Variants in TMEM266 observed in about 807,000 individuals in gnomAD.
TMEM266 encodes transmembrane protein 266.
In TMEM266, 33 loss-of-function variants were observed where a neutral mutation model predicts 50.5. That is an observed-to-expected ratio of 0.65 (90% CI 0.50 to 0.87). The LOEUF (loss-of-function observed/expected upper bound fraction) is 0.87. Among genes scored for constraint, TMEM266 ranks in the 40% least tolerant of loss-of-function variants. The pLI is 0.00. For missense variants in TMEM266, 655 were observed against 695.1 expected, an observed-to-expected ratio of 0.94 and a Z score of 0.65; for synonymous variants, 310 against 292.3, an observed-to-expected ratio of 1.06 and a Z score of -0.62.
At chr15:76,134,458 A>G (rs1350626381) in intron 2 of TMEM266, among the ~76,000 whole-genome samples, 157 bp downstream of exon 2, 1 of 152,226 alleles carries the variant, frequency 6.6e-6, no homozygotes, top group Non-Finnish European at 1.5e-5. Flanking sequence ...ACTCAAGACA[A>G]GATTAGGAAG....
chr15:76,171,232 T>C, intron 7 of TMEM266, 101 bp downstream of exon 7: 2 of 1,479,714 alleles, frequency 1.4e-6, no homozygotes, highest in Non-Finnish European at 1.8e-6. Flanking sequence ...CCTGCTGGCG[T>C]CAGGACGGAA....
chr15:76,192,653 C>T (rs897312872), intron 9 of TMEM266, among the ~76,000 whole-genome samples: 1 of 152,168 alleles, frequency 6.6e-6, no homozygotes, highest in East Asian at 1.9e-4. Context: ...GCCTTGCAGA[C>T]GGTGAGAATT....
chr15:76,165,192 C>T (rs560101034), intron 5 of TMEM266, among the ~76,000 whole-genome samples: 1 of 152,318 alleles, frequency 6.6e-6, no homozygotes, highest in South Asian at 2.1e-4. Context: ...AAGCCTGGAC[C>T]CCTTCCTTCA....
intron 1 of TMEM266, among the ~76,000 whole-genome samples, chr15:76,127,282 G>C (rs1386070687): frequency 6.6e-6 from 1 of 150,666 alleles, no homozygotes. Context: ...AAAAGAGCTT[G>C]GGTGCCACTT....
chr15:76,182,559 G>C (rs567290200), intron 8 of TMEM266, among the ~76,000 whole-genome samples: 19 of 152,110 alleles, frequency 1.2e-4, no homozygotes, highest in Admixed American at 5.2e-4. Context: ...CAGGAGAATG[G>C]CATGAACCTG....
chr15:76,157,337 A>C (rs1267566536), intron 4 of TMEM266, among the ~76,000 whole-genome samples: 3 of 152,222 alleles, frequency 2.0e-5, no homozygotes, highest in Admixed American at 1.3e-4. Flanking sequence ...TAGACGAGGC[A>C]AATTAAGATT....
In TMEM266 at chr15:76,189,214, CAGAGAA is replaced by C. The variant is rs1271561178; in HGVS notation, c.769-2745_769-2740del. Reference sequence around the variant, plus strand: ...CTCAGAAAAGAAAGAAAGAAAAAGACAGAGAAAGAGAAAGGAGAGAGGGAGGAAGGG... The same window carrying C: ...CTCAGAAAAGAAAGAAAGAAAAAGACAGAGAAAGGAGAGAGGGAGGAAGGG... On this transcript the variant is annotated intron_variant, in intron 8 of 10. Coordinates refer to ENST00000388942, the MANE Select transcript of TMEM266 (RefSeq NM_152335.3). Among the ~76,000 whole-genome samples, 7 of 149,204 alleles carry C rather than the reference CAGAGAA, an allele frequency of 4.7e-5. No individual in the cohort carries two copies. In the East Asian group the frequency reaches 1.4e-3, roughly 29 times the overall value.
chr15:76,197,956 T>G (rs2038679907), intron 9 of TMEM266, among the ~76,000 whole-genome samples: 2 of 152,154 alleles, frequency 1.3e-5, no homozygotes, highest in South Asian at 4.1e-4. Flanking sequence ...TGACGGGCTT[T>G]TAGGAGGATT....
intron 2 of TMEM266, among the ~76,000 whole-genome samples, chr15:76,137,202 A>T (rs1026925305): frequency 1.3e-5 from 2 of 152,202 alleles, no homozygotes; most frequent in South Asian, 2.1e-4. Context: ...ACAAGTCTCC[A>T]TGCAGGCTCC....
intron 5 of TMEM266, among the ~76,000 whole-genome samples, chr15:76,169,528 A>AG (rs1329347771): frequency 6.6e-6 from 1 of 152,170 alleles, no homozygotes; most frequent in Non-Finnish European, 1.5e-5. Flanking sequence ...CTGTATGTAC[A>AG]GGGAGCACTG....
At chr15:76,137,948 G>A (rs923145918) in intron 3 of TMEM266, 53 bp downstream of exon 3, 56 of 1,502,074 alleles carry the variant, frequency 3.7e-5, no homozygotes, top group Admixed American at 6.8e-5. Flanking sequence ...TAGGCTAGGC[G>A]CGGTGGCTCA....
rs2142033669 is a variant in TMEM266, at chr15:76,139,914, C to G, written c.227+2019C>G. The stretch of plus-strand genomic sequence containing the variant: ...GTGTTCCCCCACCAGGTGTACCACC[C>G]TGTGATGTACCCCTTTCAGGGGTCC... On this transcript the variant is annotated intron_variant, in intron 3 of 10. Coordinates refer to ENST00000388942, the MANE Select transcript of TMEM266 (RefSeq NM_152335.3). This position sits in a 1 kb window ranked among gnomAD's most constrained non-coding sequence, Gnocchi z 4.1. 6.6e-6 allele frequency among the ~76,000 whole-genome samples: 1 copy of G among 152,348 alleles called. No individual in the cohort carries two copies. The highest frequency in any genetic ancestry group is 2.1e-4 in the South Asian group (1 of 4,830).
chr15:76,184,712 G>A (rs895298310), intron 8 of TMEM266, among the ~76,000 whole-genome samples: 3 of 152,234 alleles, frequency 2.0e-5, no homozygotes, highest in African/African-American at 7.2e-5. Context: ...AGCGCTGGGT[G>A]TGCCCGTCCT....
At position 76,139,718 on chromosome 15, in the gene TMEM266, G is replaced by A. The variant is rs964199283; in HGVS notation, c.227+1823G>A. ...CCTTCTAACATGCCCTAGCTATTTC[G>A]GAGAATTCATTTCCTGCCCCCGGCC... is the stretch of plus-strand genomic sequence containing the variant. On this transcript the variant is annotated intron_variant, in intron 3 of 10. Transcript: ENST00000388942. The surrounding 1 kb of genome is among the most constrained non-coding windows in gnomAD (Gnocchi z 4.1). Among the ~76,000 whole-genome samples the A allele has an allele frequency of 5.3e-5, 8 of 152,226 alleles. No homozygotes were observed. The highest frequency in any genetic ancestry group is 1.7e-4 in the African/African-American group (7 of 41,464).
At chr15:76,078,031 C>T (rs187194172) in intron 1 of TMEM266, among the ~76,000 whole-genome samples, 1 of 152,190 alleles carries the variant, frequency 6.6e-6, no homozygotes, top group East Asian at 1.9e-4. Flanking sequence ...ATTTGTTTAA[C>T]ATCCTGTTTA....
rs571377740 is a variant in TMEM266, at chr15:76,145,358, A to G, written c.227+7463A>G. On this transcript the variant is annotated intron_variant, in intron 3 of 10. Coordinates refer to ENST00000388942, the MANE Select transcript of TMEM266 (RefSeq NM_152335.3). ...CCAGTGATTTCCACTGGAAATGGTG[A>G]TTTCCACTGGTTCCTTCCAAGAGGG... is the stretch of plus-strand genomic sequence containing the variant. 2.0e-3 allele frequency among the ~76,000 whole-genome samples: 301 copies of G among 152,186 alleles called. 1 individual carries two copies. Among genetic ancestry groups the G allele is most frequent in the African/African-American group, 7.1e-3 (293 of 41,540 alleles).
At chr15:76,128,553 G>A (rs776806672) in intron 1 of TMEM266, among the ~76,000 whole-genome samples, 9 of 152,124 alleles carry the variant, frequency 5.9e-5, no homozygotes, top group Non-Finnish European at 1.2e-4. Flanking sequence ...TTGGCACTTC[G>A]GATGTTCATT....
intron 1 of TMEM266, among the ~76,000 whole-genome samples, chr15:76,064,178 G>C (rs185656208): frequency 7.7e-4 from 117 of 152,296 alleles, no homozygotes; most frequent in Non-Finnish European, 1.2e-3. Context: ...GGAGCCTACG[G>C]TCATTCCTAC....
chr15:76,077,677 G>A (rs1340068301), intron 1 of TMEM266, among the ~76,000 whole-genome samples: 2 of 152,014 alleles, frequency 1.3e-5, no homozygotes, highest in Non-Finnish European at 2.9e-5. Context: ...TACAGAGACT[G>A]GATTGATGAA....
Sources: gnomAD v4.1 joint callset for allele counts (sites outside exome capture counted in the v4.1 genomes callset) on GRCh38, gnomAD v4.1.1 for gene constraint, Gnocchi (gnomAD v3.1) non-coding constraint, MANE v1.5 for transcripts, NCBI Gene and HGNC (gene_info 2026-07-23, HGNC 2026-07-21) for gene names.